The following PARD3 variants were observed in gnomAD, a reference collection of about 807,000 sequenced individuals.
PARD3 encodes the protein partitioning defective 3 homolog.
In PARD3, 75 loss-of-function variants were observed where a neutral mutation model predicts 155.4. That is an observed-to-expected ratio of 0.48 (90% CI 0.40 to 0.58). The LOEUF is 0.58. Ranked by LOEUF, PARD3 falls within the 20% of genes least tolerant of loss-of-function variation. The pLI, the probability that PARD3 is intolerant of heterozygous loss-of-function variation, is 0.00. For missense variants in PARD3, 1,642 were observed against 1,721.7 expected, an observed-to-expected ratio of 0.95 and a Z score of 0.82; for synonymous variants, 576 against 610.5, an observed-to-expected ratio of 0.94 and a Z score of 0.83.
At chr10:34,582,795 A>G (rs541284223) in intron 2 of PARD3, among the ~76,000 whole-genome samples, 23 of 152,238 alleles carry the variant, frequency 1.5e-4, no homozygotes, top group Non-Finnish European at 1.8e-4. Context: ...CTGTTTTCGC[A>G]TGAGCTTTAA....
At chr10:34,328,151 A>T (rs957307320) in intron 19 of PARD3, among the ~76,000 whole-genome samples, 2 of 152,164 alleles carry the variant, frequency 1.3e-5, no homozygotes, top group African/African-American at 4.8e-5. Context: ...TTTGATAGAC[A>T]ATTTTTTTTT....
At chr10:34,732,348 C>T (rs2094834395) in intron 1 of PARD3, among the ~76,000 whole-genome samples, 1 of 152,142 alleles carries the variant, frequency 6.6e-6, no homozygotes, top group Non-Finnish European at 1.5e-5. Context: ...TTGTCCACCC[C>T]CACCCATACA....
intron 2 of PARD3, among the ~76,000 whole-genome samples, chr10:34,689,220 A>C (rs992464249): frequency 6.6e-6 from 1 of 152,238 alleles, no homozygotes; most frequent in Non-Finnish European, 1.5e-5. Context: ...AAAATAGTTG[A>C]AAACACTCCA....
chr10:34,317,380 C>A, intron 19 of PARD3, 42 bp from the exon 20 acceptor site: 4 of 1,556,316 alleles, frequency 2.6e-6, no homozygotes, highest in Non-Finnish European at 3.5e-6. Context: ...AGTGAACCAA[C>A]GCAACAAAAA....
At chr10:34,359,062 G>C (rs1839188083) in intron 14 of PARD3, 85 bp downstream of exon 14, 2 of 950,668 alleles carry the variant, frequency 2.1e-6, no homozygotes, top group Non-Finnish European at 3.2e-6. Flanking sequence ...TAAGGTCCTG[G>C]AACCTAATAC....
At chr10:34,717,452 C>G (rs2094537526) in intron 1 of PARD3, among the ~76,000 whole-genome samples, 1 of 152,200 alleles carries the variant, frequency 6.6e-6, no homozygotes, top group African/African-American at 2.4e-5. Context: ...ATCTCCTCTA[C>G]AACATTCTGT....
At chr10:34,791,742 A>C (rs761247327) in intron 1 of PARD3, among the ~76,000 whole-genome samples, 1 of 151,958 alleles carries the variant, frequency 6.6e-6, no homozygotes, top group Non-Finnish European at 1.5e-5. Flanking sequence ...CGAGTGGCAG[A>C]AGTGGGAGGA....
chr10:34,245,639 A>G (rs1953900329), intron 22 of PARD3, among the ~76,000 whole-genome samples: 1 of 151,682 alleles, frequency 6.6e-6, no homozygotes, highest in Admixed American at 6.6e-5. Flanking sequence ...AGAAGAACTG[A>G]TCTGAGAAAA....
Position 34,798,410 on chromosome 10 carries a change from G to GA in PARD3, c.120+16465dup, listed in dbSNP as rs369342398. ...AGGAGGAGGAGGAGAAGAGGAAGAA[G>GA]AAAAAAAAAACATGCCGGGCGCAGT... On this transcript the variant is annotated intron_variant, in intron 1 of 24. Transcript: ENST00000374788. Among the ~76,000 whole-genome samples, 554 of 144,472 alleles carry GA rather than the reference G, an allele frequency of 3.8e-3. 7 individuals carry two copies. Among genetic ancestry groups the GA allele is most frequent in the African/African-American group, 0.012 (468 of 39,518 alleles). 94.8% of individuals were successfully genotyped at this position (144,472 alleles called of 152,430 possible). A position where few individuals can be genotyped will look rare whatever the true frequency, so the allele number is the denominator to read the frequency against.
chr10:34,351,552 T>C (rs181338101), intron 14 of PARD3, among the ~76,000 whole-genome samples: 1 of 152,356 alleles, frequency 6.6e-6, no homozygotes, highest in Admixed American at 6.5e-5. Context: ...AAGGAAGATT[T>C]AGAGCACAGT....
chr10:34,339,066 A>G (rs566838659), intron 16 of PARD3, among the ~76,000 whole-genome samples: 1 of 152,348 alleles, frequency 6.6e-6, no homozygotes, highest in African/African-American at 2.4e-5. Flanking sequence ...ACACACTTCT[A>G]AAAGTAAAAA....
chr10:34,336,276 A>G, intron 17 of PARD3, 33 bp from the exon 18 acceptor site: 3 of 1,564,182 alleles, frequency 1.9e-6, no homozygotes, highest in Non-Finnish European at 2.6e-6. Context: ...TAGTTAGCCC[A>G]GTTAGTTCCC....
intron 20 of PARD3, among the ~76,000 whole-genome samples, chr10:34,304,733 A>T (rs1957320027): frequency 6.6e-6 from 1 of 152,210 alleles, no homozygotes; most frequent in South Asian, 2.1e-4. Context: ...AAACAGGGCT[A>T]AAATTAGTAC....
At chr10:34,301,705 A>G (rs1175103488) in intron 20 of PARD3, among the ~76,000 whole-genome samples, 1 of 152,060 alleles carries the variant, frequency 6.6e-6, no homozygotes, top group Admixed American at 6.5e-5. Flanking sequence ...GCAACATGTC[A>G]CATGTCCTCC....
chr10:34,495,278 C>T (rs960272532), intron 3 of PARD3, among the ~76,000 whole-genome samples: 1 of 152,082 alleles, frequency 6.6e-6, no homozygotes, highest in African/African-American at 2.4e-5. Flanking sequence ...GCTTCTGACA[C>T]CTGCCAAGTA....
At chr10:34,152,487 A>G (rs1301632718) in intron 22 of PARD3, among the ~76,000 whole-genome samples, 3 of 152,214 alleles carry the variant, frequency 2.0e-5, no homozygotes, top group African/African-American at 7.2e-5. Context: ...TAGAAAAGGT[A>G]CAGTACAAAT....
chr10:34,222,254 C>T (rs1326154261), intron 22 of PARD3, among the ~76,000 whole-genome samples: 1 of 152,176 alleles, frequency 6.6e-6, no homozygotes, highest in Non-Finnish European at 1.5e-5. Context: ...TTTCATTTTG[C>T]ACAAGCCCTC....
chr10:34,499,253 A>T (rs1365301220), intron 3 of PARD3, among the ~76,000 whole-genome samples: 1 of 152,210 alleles, frequency 6.6e-6, no homozygotes, highest in Non-Finnish European at 1.5e-5. Context: ...AGCAGTCTAG[A>T]ATACTTTGAC....
At chr10:34,572,664 G>A (rs1381542447) in intron 2 of PARD3, among the ~76,000 whole-genome samples, 4 of 150,158 alleles carry the variant, frequency 2.7e-5, no homozygotes, top group African/African-American at 2.4e-5. Context: ...AAAACTTAAA[G>A]AGGAAAAAGC....
Sources: gnomAD v4.1 joint callset for allele counts (sites outside exome capture counted in the v4.1 genomes callset) on GRCh38, gnomAD v4.1.1 for gene constraint, MANE v1.5 for transcripts, NCBI Gene and HGNC (gene_info 2026-07-23, HGNC 2026-07-21) for gene names.